Variants in SMYD3 observed in about 807,000 individuals in gnomAD.
The protein encoded by SMYD3 is histone-lysine N-methyltransferase SMYD3.
Under a neutral mutation model 57.7 loss-of-function variants are expected in SMYD3, and 36 were observed. The observed-to-expected ratio is 0.62, with a 90% CI of 0.48 to 0.82. SMYD3 has a LOEUF of 0.82. SMYD3 is among the 40% of genes least tolerant of loss of function. SMYD3 has a pLI of 0.00. For missense variants in SMYD3, 515 were observed against 538.8 expected, an observed-to-expected ratio of 0.96 and a Z score of 0.44; for synonymous variants, 211 against 195.0, an observed-to-expected ratio of 1.08 and a Z score of -0.68.
At chr1:246,090,122 C>G (rs911016244) in intron 5 of SMYD3, among the ~76,000 whole-genome samples, 7 of 152,072 alleles carry the variant, frequency 4.6e-5, no homozygotes, top group African/African-American at 1.7e-4. Flanking sequence ...TAAGGTGAAA[C>G]TGTCTCAGAC....
At chr1:246,347,221 T>C (rs545059005) in intron 2 of SMYD3, among the ~76,000 whole-genome samples, 6 of 152,062 alleles carry the variant, frequency 3.9e-5, no homozygotes, top group Non-Finnish European at 5.9e-5. Flanking sequence ...TAATAGGATA[T>C]GTCAGAAGAA....
chr1:245,838,669 G>A (rs2050226652), intron 10 of SMYD3, among the ~76,000 whole-genome samples: 1 of 152,192 alleles, frequency 6.6e-6, no homozygotes, highest in African/African-American at 2.4e-5. Context: ...CAAGTGGAAG[G>A]CCCTACAGTT....
intron 8 of SMYD3, among the ~76,000 whole-genome samples, chr1:245,869,337 C>T (rs1256742871): frequency 6.6e-6 from 1 of 152,218 alleles, no homozygotes; most frequent in Admixed American, 6.5e-5. Flanking sequence ...GGTTCCAGCG[C>T]TGGTGGCATC....
At chr1:246,075,521 A>G (rs2060531185) in intron 5 of SMYD3, among the ~76,000 whole-genome samples, 1 of 152,240 alleles carries the variant, frequency 6.6e-6, no homozygotes, top group Non-Finnish European at 1.5e-5. Context: ...ATTGTCTGCA[A>G]GAATAAAGGC....
intron 5 of SMYD3, among the ~76,000 whole-genome samples, chr1:245,966,647 A>C (rs761844645): frequency 4.6e-5 from 7 of 152,180 alleles, no homozygotes; most frequent in Non-Finnish European, 2.9e-5. Context: ...TTCATGGAGA[A>C]TATCAACCAG....
intron 8 of SMYD3, among the ~76,000 whole-genome samples, chr1:245,885,357 G>A (rs1361628395): frequency 6.6e-6 from 1 of 152,154 alleles, no homozygotes. Context: ...GAACATGCCT[G>A]GCCCCCAGGT....
chr1:245,947,486 C>T (rs1336732072), intron 5 of SMYD3: 2 of 453,316 alleles, frequency 4.4e-6, no homozygotes, highest in Non-Finnish European at 8.9e-6. Context: ...TTTAAAACAT[C>T]AGGGATTCAG....
intron 7 of SMYD3, among the ~76,000 whole-genome samples, chr1:245,920,587 C>T (rs10924388): frequency 6.6e-6 from 1 of 152,056 alleles, no homozygotes; most frequent in Admixed American, 6.5e-5. Flanking sequence ...CACCTGAGCT[C>T]CCCGACTTCA....
chr1:246,169,939 T>C (rs1320755706), intron 5 of SMYD3, among the ~76,000 whole-genome samples: 2 of 152,030 alleles, frequency 1.3e-5, no homozygotes, highest in African/African-American at 4.8e-5. Flanking sequence ...ATCTTCAGTC[T>C]AAAATGTACC....
chr1:246,087,273 T>C (rs1485473595), intron 5 of SMYD3, among the ~76,000 whole-genome samples: 1 of 152,180 alleles, frequency 6.6e-6, no homozygotes, highest in Non-Finnish European at 1.5e-5. Flanking sequence ...GGAATAAGCA[T>C]CTCTTGCTAC....
chr1:246,474,401 C>A (rs1030997676), intron 1 of SMYD3, among the ~76,000 whole-genome samples: 1 of 151,746 alleles, frequency 6.6e-6, no homozygotes, highest in African/African-American at 2.4e-5. Flanking sequence ...TGCCTATAGT[C>A]CCAGCTACTC....
chr1:246,267,023 T>C (rs1188798776), intron 5 of SMYD3, among the ~76,000 whole-genome samples: 1 of 152,252 alleles, frequency 6.6e-6, no homozygotes, highest in African/African-American at 2.4e-5. Context: ...TCTAGTTTTA[T>C]AAGCCTGGCA....
chr1:246,040,467 A>T (rs1404812437), intron 5 of SMYD3, among the ~76,000 whole-genome samples: 2 of 152,200 alleles, frequency 1.3e-5, no homozygotes, highest in Non-Finnish European at 2.9e-5. Flanking sequence ...GAAGTATCTC[A>T]ATGAAGCTGA....
intron 10 of SMYD3, among the ~76,000 whole-genome samples, chr1:245,805,771 T>C (rs1226923171): frequency 6.6e-6 from 1 of 152,236 alleles, no homozygotes; most frequent in Non-Finnish European, 1.5e-5. Context: ...TGATGATGCA[T>C]TGTGCCATTA....
intron 5 of SMYD3, among the ~76,000 whole-genome samples, chr1:246,270,872 T>A (rs546516451): frequency 5.4e-4 from 82 of 152,348 alleles, no homozygotes; most frequent in Admixed American, 4.4e-3. Context: ...ATTCTATTTT[T>A]AAATTTTTGA....
At chr1:245,943,956 T>G (rs563909587) in intron 5 of SMYD3, among the ~76,000 whole-genome samples, 2 of 152,256 alleles carry the variant, frequency 1.3e-5, no homozygotes, top group East Asian at 3.9e-4. Flanking sequence ...GTAAAAACCC[T>G]CAATAAACTA....
intron 5 of SMYD3, among the ~76,000 whole-genome samples, chr1:246,086,489 C>T (rs867288184): frequency 2.0e-5 from 3 of 151,314 alleles, no homozygotes; most frequent in South Asian, 2.1e-4. Context: ...CTAGAGGCTA[C>T]GGATATATTT....
At chr1:246,188,387 C>G (rs999005399) in intron 5 of SMYD3, among the ~76,000 whole-genome samples, 7 of 152,072 alleles carry the variant, frequency 4.6e-5, no homozygotes, top group African/African-American at 1.7e-4. Context: ...CCTAATGGAG[C>G]CCTGCAAAGA....
intron 10 of SMYD3, among the ~76,000 whole-genome samples, chr1:245,790,445 G>A (rs1347410477): frequency 6.6e-6 from 1 of 152,178 alleles, no homozygotes; most frequent in Non-Finnish European, 1.5e-5. Flanking sequence ...CCAAGTGAGG[G>A]GAGAACCCCC....
Sources: allele counts gnomAD v4.1 joint callset (sites outside exome capture counted in the v4.1 genomes callset), GRCh38; gene constraint gnomAD v4.1.1; transcripts MANE v1.5; gene names NCBI Gene and HGNC (gene_info 2026-07-23, HGNC 2026-07-21).